Variants in NINJ2 observed in about 807,000 individuals in gnomAD.
NINJ2 encodes ninjurin 2, also known as ninjurin-2.
NINJ2 carries 12 observed loss-of-function variants against 11.7 expected under a neutral mutation model. The observed-to-expected ratio is 1.02, with a 90% confidence interval of 0.66 to 1.66. The LOEUF is 1.66. Among genes scored for constraint, NINJ2 ranks in the 40% most tolerant of loss-of-function variants. The pLI is 0.00. For missense variants in NINJ2, 187 were observed against 181.8 expected, an observed-to-expected ratio of 1.03 and a Z score of -0.16; for synonymous variants, 93 against 76.8, an observed-to-expected ratio of 1.21 and a Z score of -1.10.
intron 1 of NINJ2, among the ~76,000 whole-genome samples, chr12:658,992 C>T (rs1937916872): frequency 6.7e-6 from 1 of 150,328 alleles, no homozygotes; most frequent in Admixed American, 6.7e-5. Flanking sequence ...GAACCTAAAA[C>T]TGCTATTACA....
Position 565,994 on chromosome 12 carries a change from G to C in NINJ2, c.218C>G (p.Ser73Cys). 1 of 1,614,254 alleles carries C rather than the reference G, an allele frequency of 6.2e-7. No individual in the cohort carries two copies. The highest frequency in any genetic ancestry group is 1.1e-5 in the South Asian group (1 of 91,086). Reference sequence around the variant, plus strand: ...ACCGATGACCACCTGCAGGAGCAGAGAGAGGCTGATGAGGGTGACCAGGGT... The same window carrying C: ...ACCGATGACCACCTGCAGGAGCAGACAGAGGCTGATGAGGGTGACCAGGGT... ...YTTLVTLISL[S>C]LLLQVVIGVL... Residue 73 changes from serine to cysteine, a missense_variant, in exon 2 of 4, where the codon TCT becomes TGT. Ser to Cys is a moderately radical substitution (Grantham distance 112, BLOSUM62 -1). Transcript: ENST00000305108.
intron 1 of NINJ2, among the ~76,000 whole-genome samples, chr12:611,082 C>T (rs1948022293): frequency 1.3e-5 from 2 of 152,196 alleles, no homozygotes; most frequent in African/African-American, 4.8e-5. Flanking sequence ...TTCAGTTCTG[C>T]AATCTGTCCC....
rs1186253700 is a variant in NINJ2 at position 628,603 on chromosome 12, A to C, written c.33+34725T>G. Among the ~76,000 whole-genome samples, 2 of 152,206 alleles carry C rather than the reference A, an allele frequency of 1.3e-5. No individual in the cohort carries two copies. Among genetic ancestry groups the C allele is most frequent in the Non-Finnish European group, 2.9e-5 (2 of 68,026 alleles). Reference sequence around the variant, plus strand: ...AATAGGGGCTGGTAAAATGAGGCTGAGACCTGCTAGGTGGCATTCCCAGGA... The same window carrying C: ...AATAGGGGCTGGTAAAATGAGGCTGCGACCTGCTAGGTGGCATTCCCAGGA... On this transcript the variant is annotated intron_variant, in intron 1 of 3. Transcript: ENST00000305108. This position sits in a 1 kb window ranked among gnomAD's most constrained non-coding sequence, Gnocchi z 4.4.
intron 1 of NINJ2, among the ~76,000 whole-genome samples, chr12:569,655 AG>A (rs59123816): frequency 6.6e-6 from 1 of 152,278 alleles, no homozygotes; most frequent in African/African-American, 2.4e-5. Context: ...AAGGGGTGGC[AG>A]GGGGTGGCAG....
At chr12:578,064 G>A (rs550266912) in intron 1 of NINJ2, among the ~76,000 whole-genome samples, 24 of 152,224 alleles carry the variant, frequency 1.6e-4, no homozygotes, top group South Asian at 6.2e-4. Flanking sequence ...GACCCCTGAC[G>A]TAATCAGTTA....
At chr12:587,190 A>C (rs1947650929) in intron 1 of NINJ2, among the ~76,000 whole-genome samples, 2 of 152,196 alleles carry the variant, frequency 1.3e-5, no homozygotes, top group South Asian at 4.1e-4. Flanking sequence ...CTGGGTCAAC[A>C]AAAAGACTAG....
chr12:661,695 C>G (rs1185405785), intron 1 of NINJ2, among the ~76,000 whole-genome samples: 6 of 152,230 alleles, frequency 3.9e-5, no homozygotes, highest in Admixed American at 3.9e-4. Context: ...AGCAGCAACA[C>G]AATTTCCTTA....
chr12:662,577 A>T (rs911005300), intron 1 of NINJ2, among the ~76,000 whole-genome samples: 3 of 152,166 alleles, frequency 2.0e-5, no homozygotes, highest in African/African-American at 4.8e-5. Context: ...ACTTTGTTTG[A>T]TTCTCTGCAA....
intron 1 of NINJ2, among the ~76,000 whole-genome samples, chr12:574,317 C>A (rs552715862): frequency 6.6e-6 from 1 of 151,996 alleles, no homozygotes; most frequent in East Asian, 1.9e-4. Flanking sequence ...GAGCGAGACT[C>A]CATCTCAAAA....
chr12:568,110 T>A (rs1592066369), intron 1 of NINJ2, among the ~76,000 whole-genome samples: 1 of 152,378 alleles, frequency 6.6e-6, no homozygotes, highest in Non-Finnish European at 1.5e-5. Context: ...ATCCTCAATA[T>A]ATGTACATTC....
intron 1 of NINJ2, among the ~76,000 whole-genome samples, chr12:616,803 TGTGGAGACAAGAATCCCTAGTTGAAC>T (rs1336115361): frequency 6.6e-6 from 1 of 152,192 alleles, no homozygotes; most frequent in East Asian, 1.9e-4. Flanking sequence ...GTGACCTAAG[TGTGGAGACAAGAATCCCTAGTTGAAC>T]CAATGAAGGA....
rs890766928 is a variant in NINJ2, at chr12:628,863, C to T, written c.33+34465G>A. Among the ~76,000 whole-genome samples, 1 of 152,212 alleles carries T rather than the reference C, an allele frequency of 6.6e-6. No individual in the cohort carries two copies. The highest frequency in any genetic ancestry group is 6.5e-5 in the Admixed American group (1 of 15,282). On this transcript the variant is annotated intron_variant, in intron 1 of 3. Coordinates refer to ENST00000305108, the MANE Select transcript of NINJ2 (RefSeq NM_016533.6). This position sits in a 1 kb window ranked among gnomAD's most constrained non-coding sequence, Gnocchi z 4.4. ...TGGCAGTTTACAAATGCCATGGCAA[C>T]ACCTGGAAATTATCCTATATGGTCT... is the stretch of plus-strand genomic sequence containing the variant.
intron 1 of NINJ2, among the ~76,000 whole-genome samples, chr12:576,654 G>A (rs1327330029): frequency 2.0e-5 from 3 of 152,164 alleles, no homozygotes; most frequent in Non-Finnish European, 4.4e-5. Flanking sequence ...CCGCCACCCC[G>A]GCCTCCGTGC....
intron 1 of NINJ2, among the ~76,000 whole-genome samples, chr12:584,910 A>T (rs977562155): frequency 1.3e-5 from 2 of 152,050 alleles, no homozygotes; most frequent in Admixed American, 6.5e-5. Flanking sequence ...GTGGATCAGG[A>T]GTTCGAGACC....
intron 1 of NINJ2, among the ~76,000 whole-genome samples, chr12:592,860 T>C (rs1947735169): frequency 1.3e-5 from 2 of 152,158 alleles, no homozygotes; most frequent in South Asian, 2.1e-4. Flanking sequence ...AGAAAAGTTA[T>C]GAAAAGACAA....
In NINJ2 at chr12:606,989, C is replaced by G. The variant is rs148593271; in HGVS notation, c.34-40811G>C. 8.8e-3 allele frequency among the ~76,000 whole-genome samples: 1,340 copies of G among 152,334 alleles called. 24 individuals are homozygous for G. The highest frequency in any genetic ancestry group is 0.028 in the African/African-American group (1,151 of 41,560). ...ATTTGAATCCCCGGCCCCAACTCTTCCGGAGGCCCGGCTGCAATCCTGTCC... is the reference window on the plus strand; with the variant it reads ...ATTTGAATCCCCGGCCCCAACTCTTGCGGAGGCCCGGCTGCAATCCTGTCC... On this transcript the variant is annotated intron_variant, in intron 1 of 3. Transcript: ENST00000305108.
chr12:582,783 GTGAA>G (rs1176248937), intron 1 of NINJ2, among the ~76,000 whole-genome samples: 3 of 85,710 alleles, frequency 3.5e-5, no homozygotes, highest in Non-Finnish European at 2.2e-5. Flanking sequence ...GCATGCTAGA[GTGAA>G]TGAATGAATG....
chr12:598,564 A>G (rs1947820907), intron 1 of NINJ2, among the ~76,000 whole-genome samples: 2 of 152,230 alleles, frequency 1.3e-5, no homozygotes, highest in East Asian at 1.9e-4. Context: ...CATTTAAAAC[A>G]TGGTCATCAA....
chr12:578,196 G>C (rs1947496954), intron 1 of NINJ2, among the ~76,000 whole-genome samples: 1 of 152,146 alleles, frequency 6.6e-6, no homozygotes, highest in South Asian at 2.1e-4. Flanking sequence ...CTCTCACGCG[G>C]ACCCCCTTAA....
Sources: allele counts gnomAD v4.1 joint callset (sites outside exome capture counted in the v4.1 genomes callset), GRCh38; gene constraint gnomAD v4.1.1; non-coding constraint Gnocchi (gnomAD v3.1); transcripts MANE v1.5; gene names NCBI Gene and HGNC (gene_info 2026-07-23, HGNC 2026-07-21).